ADAMTS9: variants seen among roughly 807,000 people sequenced by gnomAD.
ADAMTS9 encodes the protein A disintegrin and metalloproteinase with thrombospondin motifs 9.
In ADAMTS9, 107 loss-of-function variants were observed where a neutral mutation model predicts 257.1. The observed-to-expected ratio is 0.42, with a 90% CI of 0.36 to 0.49. The LOEUF is 0.49. Ranked by LOEUF, ADAMTS9 falls within the 20% of genes least tolerant of loss-of-function variation. The pLI, the probability that ADAMTS9 is intolerant of heterozygous loss-of-function variation, is 0.03. For synonymous variants in ADAMTS9, 982 were observed against 880.9 expected (o/e 1.11, Z -2.03); for missense variants, 2,353 against 2,469.1 (o/e 0.95, Z 1.00).
intron 3 of ADAMTS9, among the ~76,000 whole-genome samples, chr3:64,668,548 A>G (rs2107006418): frequency 6.6e-6 from 1 of 152,296 alleles, no homozygotes; most frequent in East Asian, 1.9e-4. Flanking sequence ...CAGTTTCCTC[A>G]TCTGTGAAAA....
Position 64,686,156 on chromosome 3 carries a change from C to T in ADAMTS9, c.516+412G>A, listed in dbSNP as rs762588387. Among the ~76,000 whole-genome samples the T allele has an allele frequency of 6.6e-6, 1 of 152,226 alleles. No homozygotes were observed. The highest frequency in any genetic ancestry group is 6.5e-5 in the Admixed American group (1 of 15,286). On this transcript the variant is annotated intron_variant, in intron 2 of 39. Coordinates refer to ENST00000498707, the MANE Select transcript of ADAMTS9 (RefSeq NM_182920.2). This position sits in a 1 kb window ranked among gnomAD's most constrained non-coding sequence, Gnocchi z 4.6. Reference sequence around the variant, plus strand: ...CAGGGGATCCTCAGCCCCACATCCCCGATGCAAGGCGCACCAATAAGGAGT... The same window carrying T: ...CAGGGGATCCTCAGCCCCACATCCCTGATGCAAGGCGCACCAATAAGGAGT...
chr3:64,643,075 C>A (rs756022809), intron 11 of ADAMTS9, among the ~76,000 whole-genome samples: 122 of 152,202 alleles, frequency 8.0e-4, no homozygotes, highest in Non-Finnish European at 1.5e-3. Context: ...GGGCACGTCC[C>A]TTTCCCTGGG....
Position 64,686,837 on chromosome 3 carries a change from A to C in ADAMTS9, c.247T>G (p.Trp83Gly). Residue 83 changes from tryptophan (W) to glycine (G), a missense_variant, in exon 2 of 40, where the codon TGG becomes GGG. Coordinates refer to ENST00000498707, the MANE Select transcript of ADAMTS9 (RefSeq NM_182920.2). This position sits in a 1 kb window ranked among gnomAD's most constrained non-coding sequence, Gnocchi z 4.6. ...RRSINSATDP[W>G]PAFASSSSSS... Reference sequence around the variant, plus strand: ...GAAGAGGAGGAGGCGAAGGCAGGCCAGGGGTCAGTGGCAGAGTTAATGCTC... The same window carrying C: ...GAAGAGGAGGAGGCGAAGGCAGGCCCGGGGTCAGTGGCAGAGTTAATGCTC... 6.2e-7 allele frequency: 1 copy of C among 1,614,162 alleles called. No homozygotes were observed. The highest frequency in any genetic ancestry group is 8.5e-7 in the Non-Finnish European group (1 of 1,180,024).
At chr3:64,615,276 A>C in intron 21 of ADAMTS9, 45 bp downstream of exon 21, 1 of 1,596,574 alleles carries the variant, frequency 6.3e-7, no homozygotes, top group Non-Finnish European at 8.5e-7. Flanking sequence ...CCAGAACTAG[A>C]ATGTAAGAGA....
intron 32 of ADAMTS9, 42 bp from the exon 33 acceptor site, chr3:64,542,012 G>A (rs371778926): frequency 8.7e-6 from 14 of 1,611,992 alleles, no homozygotes; most frequent in Middle Eastern, 1.7e-4. Flanking sequence ...TATGGAATGT[G>A]GGAGGCATAG....
At chr3:64,626,966 C>G (rs535831075) in intron 16 of ADAMTS9, among the ~76,000 whole-genome samples, 2 of 152,286 alleles carry the variant, frequency 1.3e-5, no homozygotes, top group African/African-American at 4.8e-5. Context: ...TCCGTGGCAC[C>G]TTGGGCATCC....
chr3:64,556,981 A>G (rs1374379917), intron 30 of ADAMTS9, among the ~76,000 whole-genome samples: 1 of 152,198 alleles, frequency 6.6e-6, no homozygotes, highest in Non-Finnish European at 1.5e-5. Context: ...ATAACTGATA[A>G]CATAGATGAG....
chr3:64,611,243 G>T (rs1009600855), intron 22 of ADAMTS9, among the ~76,000 whole-genome samples: 2 of 152,032 alleles, frequency 1.3e-5, no homozygotes, highest in Admixed American at 6.6e-5. Flanking sequence ...AGAAACAACC[G>T]AAATGGCCAT....
At chr3:64,596,725 C>A (rs1357324651) in intron 27 of ADAMTS9, 105 bp downstream of exon 27, 2 of 1,393,136 alleles carry the variant, frequency 1.4e-6, no homozygotes, top group African/African-American at 2.9e-5. Context: ...ACCCCAGAAG[C>A]TTCTACTAGA....
intron 38 of ADAMTS9, among the ~76,000 whole-genome samples, chr3:64,529,982 A>ATT (rs200385291): frequency 0.17 from 17,704 of 106,352 alleles, 2,007 homozygotes; most frequent in East Asian, 0.27. Flanking sequence ...CAGTTATTTA[A>ATT]TTTTTTTTTT....
intron 37 of ADAMTS9, 97 bp downstream of exon 37, chr3:64,539,106 G>A: frequency 7.8e-7 from 1 of 1,280,436 alleles, no homozygotes; most frequent in South Asian, 1.2e-5. Flanking sequence ...TAGAGCAACT[G>A]TTCTAATCAC....
chr3:64,574,233 G>A (rs993661857), intron 28 of ADAMTS9, among the ~76,000 whole-genome samples: 1 of 152,140 alleles, frequency 6.6e-6, no homozygotes, highest in Non-Finnish European at 1.5e-5. Flanking sequence ...AATCATACTA[G>A]CTACCTTTCA....
intron 31 of ADAMTS9, among the ~76,000 whole-genome samples, chr3:64,547,183 A>G (rs949381587): frequency 3.9e-5 from 6 of 152,028 alleles, no homozygotes; most frequent in African/African-American, 1.2e-4. Flanking sequence ...CTCAGCCCCC[A>G]CTGCAGGTGG....
intron 22 of ADAMTS9, among the ~76,000 whole-genome samples, chr3:64,610,011 T>C (rs1559790294): frequency 6.6e-6 from 1 of 152,184 alleles, no homozygotes; most frequent in African/African-American, 2.4e-5. Flanking sequence ...GACCACTCAA[T>C]GGAGAGAGAA....
intron 19 of ADAMTS9, among the ~76,000 whole-genome samples, chr3:64,620,537 T>C (rs1700079472): frequency 6.6e-6 from 1 of 152,154 alleles, no homozygotes; most frequent in Non-Finnish European, 1.5e-5. Context: ...TGCAGGCAAA[T>C]AGAAAAGCTT....
intron 29 of ADAMTS9, chr3:64,563,354 A>G (rs959695884): frequency 3.3e-5 from 5 of 152,236 alleles, no homozygotes; most frequent in Non-Finnish European, 7.3e-5. Flanking sequence ...TGGGGTCTTA[A>G]ATATAAAAGA....
intron 38 of ADAMTS9, among the ~76,000 whole-genome samples, chr3:64,524,729 C>G (rs1286153678): frequency 6.6e-6 from 1 of 152,238 alleles, no homozygotes; most frequent in East Asian, 1.9e-4. Context: ...TCTTTACTAT[C>G]TGGCACTTTG....
chr3:64,595,681 C>G (rs1451287338), intron 27 of ADAMTS9, among the ~76,000 whole-genome samples: 1 of 152,142 alleles, frequency 6.6e-6, no homozygotes, highest in Non-Finnish European at 1.5e-5. Flanking sequence ...CAACAATAAT[C>G]CCGTTATGAC....
chr3:64,683,158 G>A (rs992691394), intron 2 of ADAMTS9, among the ~76,000 whole-genome samples: 1 of 152,256 alleles, frequency 6.6e-6, no homozygotes, highest in East Asian at 1.9e-4. Flanking sequence ...ACAAATCAGA[G>A]AGCATATCAC....
Sources: allele counts gnomAD v4.1 joint callset (sites outside exome capture counted in the v4.1 genomes callset), GRCh38; gene constraint gnomAD v4.1.1; non-coding constraint Gnocchi (gnomAD v3.1); transcripts MANE v1.5; gene names NCBI Gene and HGNC (gene_info 2026-07-23, HGNC 2026-07-21).